The following EPB41L3 variants were observed in gnomAD, a reference collection of about 807,000 sequenced individuals.
EPB41L3 encodes the protein band 4.1-like protein 3.
A neutral mutation model predicts 127.1 loss-of-function variants in EPB41L3; 57 were observed. That is an observed-to-expected ratio of 0.45 (90% confidence interval 0.36 to 0.56). The LOEUF is 0.56. Among genes scored for constraint, EPB41L3 ranks in the 20% least tolerant of loss-of-function variants. EPB41L3 has a pLI of 0.00. For missense variants in EPB41L3, 1,273 were observed against 1,372.2 expected, an observed-to-expected ratio of 0.93 and a Z score of 1.14; for synonymous variants, 572 against 549.5, an observed-to-expected ratio of 1.04 and a Z score of -0.57.
At position 5,493,450 on chromosome 18, in the gene EPB41L3, A is replaced by C. The variant is rs964693122; in HGVS notation, c.-11-4256T>G. 5.3e-5 allele frequency among the ~76,000 whole-genome samples: 8 copies of C among 152,276 alleles called. No individual in the cohort carries two copies. In the East Asian group the frequency reaches 1.5e-3, roughly 29 times the overall value. ...TAAATTTATAGGAGAAGTGGGTCTT[A>C]CTTAACATAAGTATTTGTGACTATA... On this transcript the variant is annotated intron_variant, in intron 1 of 22. Coordinates refer to ENST00000341928, the MANE Select transcript of EPB41L3 (RefSeq NM_012307.5).
chr18:5,627,134 ATCC>A, intron 1 of EPB41L3, among the ~76,000 whole-genome samples: 1 of 152,260 alleles, frequency 6.6e-6, no homozygotes, highest in Non-Finnish European at 1.5e-5. Flanking sequence ...CACAGGACCC[ATCC>A]TCTGTGAAGT....
chr18:5,567,429 T>C (rs2094221350), intron 3 of EPB41L3: 1 of 152,198 alleles, frequency 6.6e-6, no homozygotes, highest in African/African-American at 2.4e-5. Flanking sequence ...TTCAATCAAA[T>C]TGAAGAAGGA....
chr18:5,445,020 G>C, intron 4 of EPB41L3, 120 bp downstream of exon 4: 1 of 682,412 alleles, frequency 1.5e-6, no homozygotes, highest in Non-Finnish European at 2.6e-6. Context: ...ACTCAAAGTA[G>C]AAAGTGTGGG....
chr18:5,525,877 G>GT (rs1332220590), intron 1 of EPB41L3, among the ~76,000 whole-genome samples: 2 of 152,124 alleles, frequency 1.3e-5, no homozygotes, highest in African/African-American at 4.8e-5. Context: ...AGGAACCCTT[G>GT]TACTTCCATC....
At chr18:5,508,766 C>CAAAAAAAAAAA (rs397969769) in intron 1 of EPB41L3, among the ~76,000 whole-genome samples, 1 of 52,592 alleles carries the variant, frequency 1.9e-5, no homozygotes. Context: ...GACTCCATCT[C>CAAAAAAAAAAA]AAAAAAAAAA....
chr18:5,443,635 C>CAG (rs762234715), intron 5 of EPB41L3, among the ~76,000 whole-genome samples: 11 of 152,294 alleles, frequency 7.2e-5, no homozygotes, highest in Admixed American at 3.9e-4. Context: ...CATTCACAGG[C>CAG]AGAGAAACAG....
chr18:5,561,468 A>T (rs2094135181), intron 3 of EPB41L3, among the ~76,000 whole-genome samples: 1 of 152,168 alleles, frequency 6.6e-6, no homozygotes, highest in Non-Finnish European at 1.5e-5. Flanking sequence ...ATTGGATTAT[A>T]ACACAAGGAA....
At position 5,428,287 on chromosome 18, in the gene EPB41L3, G is replaced by A. The variant is rs200672725; in HGVS notation, c.1065+26C>T. The A allele has an allele frequency of 1.1e-4, 185 of 1,611,156 alleles. 2 individuals are homozygous for A. In the Admixed American group the frequency reaches 2.1e-3, roughly 18 times the overall value. Reference sequence around the variant, plus strand: ...GCTATCAGGGATCTTTCCTCCCAACGCACAGGCAAATGTGGGTATACTTAC... The same window carrying A: ...GCTATCAGGGATCTTTCCTCCCAACACACAGGCAAATGTGGGTATACTTAC... On this transcript the variant is annotated intron_variant, in intron 9 of 22. Transcript: ENST00000341928.
At chr18:5,403,996 T>C (rs1197282320) in intron 16 of EPB41L3, among the ~76,000 whole-genome samples, 1 of 152,108 alleles carries the variant, frequency 6.6e-6, no homozygotes, top group Non-Finnish European at 1.5e-5. Context: ...AATATAGAAA[T>C]AGGCAATAAT....
chr18:5,539,944 C>T (rs1219553930), intron 1 of EPB41L3, among the ~76,000 whole-genome samples: 1 of 152,126 alleles, frequency 6.6e-6, no homozygotes, highest in Non-Finnish European at 1.5e-5. Flanking sequence ...CCATTTTTTC[C>T]TATTGCCAAC....
intron 1 of EPB41L3, among the ~76,000 whole-genome samples, chr18:5,524,638 C>A (rs1413926221): frequency 6.6e-6 from 1 of 152,190 alleles, no homozygotes; most frequent in East Asian, 1.9e-4. Context: ...TTCGCTAAAA[C>A]GTAATTCAAT....
At chr18:5,441,988 A>G (rs895315012) in intron 5 of EPB41L3, among the ~76,000 whole-genome samples, 2 of 152,190 alleles carry the variant, frequency 1.3e-5, no homozygotes, top group Non-Finnish European at 2.9e-5. Flanking sequence ...TCCTATTAAT[A>G]ACAAAAAAGA....
chr18:5,427,617 A>C (rs2078374597), intron 9 of EPB41L3, among the ~76,000 whole-genome samples: 1 of 152,244 alleles, frequency 6.6e-6, no homozygotes, highest in African/African-American at 2.4e-5. Context: ...AGGACCTCTA[A>C]ACTGTTCACT....
At chr18:5,545,091 C>G (rs972243311), upstream of EPB41L3, among the ~76,000 whole-genome samples, 2 of 152,166 alleles carry the variant, frequency 1.3e-5, no homozygotes, top group African/African-American at 4.8e-5. Context: ...CCCAACACCC[C>G]TCTACTTGTG....
At chr18:5,597,318 C>G (rs1470068054) in intron 3 of EPB41L3, among the ~76,000 whole-genome samples, 1 of 152,204 alleles carries the variant, frequency 6.6e-6, no homozygotes, top group African/African-American at 2.4e-5. Context: ...AAATTCATCT[C>G]TCTATGATAT....
chr18:5,562,331 T>G (rs1374474613), intron 3 of EPB41L3, among the ~76,000 whole-genome samples: 2 of 152,272 alleles, frequency 1.3e-5, no homozygotes, highest in East Asian at 3.9e-4. Flanking sequence ...GATTAAAAAA[T>G]ATAACTTGCT....
chr18:5,525,370 A>T (rs2093180161), intron 1 of EPB41L3, among the ~76,000 whole-genome samples: 1 of 152,214 alleles, frequency 6.6e-6, no homozygotes, highest in Non-Finnish European at 1.5e-5. Context: ...TATTAATAAC[A>T]CACAGTAACA....
chr18:5,572,757 A>T (rs2094296684), intron 3 of EPB41L3, among the ~76,000 whole-genome samples: 1 of 152,010 alleles, frequency 6.6e-6, no homozygotes, highest in African/African-American at 2.4e-5. Context: ...AAAATTTTGT[A>T]AAGACCGGGT....
In EPB41L3 at chr18:5,397,806, T is replaced by C. The variant is rs1249351806; in HGVS notation, c.2472+215A>G. Among the ~76,000 whole-genome samples, 2 of 152,246 alleles carry C rather than the reference T, an allele frequency of 1.3e-5. No individual in the cohort carries two copies. The highest frequency in any genetic ancestry group is 1.5e-5 in the Non-Finnish European group (1 of 68,052). On this transcript the variant is annotated intron_variant, in intron 17 of 22. Coordinates refer to ENST00000341928, the MANE Select transcript of EPB41L3 (RefSeq NM_012307.5). This position sits in a 1 kb window ranked among gnomAD's most constrained non-coding sequence, Gnocchi z 4.1. ...TTAATTCTATTAAAATTTCTCAATA[T>C]GATCGCCTTTCGAATAGTGAAGTAC... is the stretch of plus-strand genomic sequence containing the variant.
Sources: gnomAD v4.1 joint callset for allele counts (sites outside exome capture counted in the v4.1 genomes callset) on GRCh38, gnomAD v4.1.1 for gene constraint, Gnocchi (gnomAD v3.1) non-coding constraint, MANE v1.5 for transcripts, NCBI Gene and HGNC (gene_info 2026-07-23, HGNC 2026-07-21) for gene names.